Variants in MYO15B observed in about 807,000 individuals in gnomAD.
MYO15B encodes the protein myosin XVB pseudogene.
A neutral mutation model predicts 119.3 loss-of-function variants in MYO15B; 207 were observed. The observed-to-expected ratio is 1.73, with a 90% CI of 1.55 to 1.95. The LOEUF is 1.95. Among genes scored for constraint, MYO15B ranks in the 30% most tolerant of loss-of-function variants. The pLI, the probability that MYO15B is intolerant of heterozygous loss-of-function variation, is 0.00. For synonymous variants in MYO15B, 966 were observed against 498.9 expected, an observed-to-expected ratio of 1.94 and a Z score of -12.48; for missense variants, 2,264 against 1,203.1, an observed-to-expected ratio of 1.88 and a Z score of -13.04.
At chr17:75,591,900 G>T in intron 5 of MYO15B, 77 bp from the exon 6 acceptor site, 1 of 681,622 alleles carries the variant, frequency 1.5e-6, no homozygotes, top group Non-Finnish European at 2.7e-6. Flanking sequence ...CGCCTCCCTG[G>T]ACCTGCCCCT....
rs776402663 is a variant in MYO15B at position 75,619,228 on chromosome 17, C to T, written c.7063+10C>T. The T allele has an allele frequency of 1.4e-6, 1 of 702,784 alleles. No homozygotes were observed. Among genetic ancestry groups the T allele is most frequent in the South Asian group, 1.5e-5 (1 of 67,604 alleles). 43.5% of individuals were successfully genotyped at this position (702,784 alleles called of 1,614,324 possible). ...ATGAAAGACCTGCTGGGTATGGGTC[C>T]AGGGACCATGGAGTTGGGAGCTTGA... is the stretch of plus-strand genomic sequence containing the variant. On this transcript the variant is annotated intron_variant, in intron 44 of 63. Coordinates refer to ENST00000645453, the Ensembl canonical transcript of MYO15B.
chr17:75,598,889 A>G (rs1229460394), intron 14 of MYO15B, among the ~76,000 whole-genome samples: 2 of 152,070 alleles, frequency 1.3e-5, no homozygotes, highest in Non-Finnish European at 2.9e-5. Flanking sequence ...ACTTAGGTCT[A>G]TGTTATGTGA....
chr17:75,610,391 C>T, intron 22 of MYO15B, 132 bp downstream of exon 22: 1 of 553,030 alleles, frequency 1.8e-6, no homozygotes, highest in Non-Finnish European at 3.2e-6. Context: ...CACAGTGCTC[C>T]TTGAACTCAT....
In MYO15B at chr17:75,594,774, G is replaced by T; in HGVS notation, c.3164+15G>T. The T allele has an allele frequency of 1.4e-6, 1 of 703,020 alleles. No homozygotes were observed. The allele number at this position is 703,020 out of a possible 1,614,324, so 43.5% of individuals were successfully genotyped here. A position where few individuals can be genotyped will look rare whatever the true frequency, so the allele number is the denominator to read the frequency against. On this transcript the variant is annotated intron_variant, in intron 11 of 63. Transcript: ENST00000645453. ...TTTGATGCCAGGTGGCCCTAGAGAC[G>T]GGTGAGAGTCAGAGCAGGGCCCGAG...
chr17:75,614,073 G>A (rs1360120237), intron 29 of MYO15B, 126 bp from the exon 30 acceptor site: 2 of 629,688 alleles, frequency 3.2e-6, no homozygotes, highest in Non-Finnish European at 5.8e-6. Context: ...GCAAACCTGG[G>A]TCCCGGACCA....
intron 14 of MYO15B, 30 bp from the exon 15 acceptor site, chr17:75,601,408 C>G: frequency 4.3e-6 from 3 of 702,148 alleles, no homozygotes; most frequent in Non-Finnish European, 2.6e-6. Context: ...TGTGCAGAGG[C>G]GTGAAGGGAG....
In MYO15B at chr17:75,591,967, C is replaced by T. The variant is rs1323920449; in HGVS notation, c.2548-10C>T. ...TGCCCAGGGATGCTTGAACACCCCT[C>T]CCTGTACAGGTGGAGGATATGCTGC... On this transcript the variant is annotated splice_polypyrimidine_tract_variant and intron_variant, in intron 5 of 63. Coordinates refer to ENST00000645453, the Ensembl canonical transcript of MYO15B. 7.1e-6 allele frequency: 5 copies of T among 702,156 alleles called. No individual in the cohort carries two copies. The highest frequency in any genetic ancestry group is 1.7e-5 in the African/African-American group (1 of 57,216). 43.5% of individuals were successfully genotyped at this position (702,156 alleles called of 1,614,324 possible).
Position 75,605,845 on chromosome 17 carries a change from C to T in MYO15B, c.4135-19C>T, listed in dbSNP as rs1428908194. 1.2e-5 allele frequency: 8 copies of T among 675,930 alleles called. No individual in the cohort carries two copies. The highest frequency in any genetic ancestry group is 2.2e-5 in the Non-Finnish European group (8 of 367,028). 41.9% of individuals were successfully genotyped at this position (675,930 alleles called of 1,614,324 possible). On this transcript the variant is annotated intron_variant, in intron 20 of 63. Transcript: ENST00000645453. ...GCTGGCTCCTGGCTCCTGCCTACAG[C>T]CCACCCCTCTACCCACAGGTCCTGC...
At chr17:75,596,332 C>T (rs899919961) in intron 12 of MYO15B, 128 bp from the exon 13 acceptor site, 15 of 623,820 alleles carry the variant, frequency 2.4e-5, no homozygotes, top group Admixed American at 2.0e-4. Flanking sequence ...TTAGACTTGA[C>T]CCTGTTGGCT....
chr17:75,615,257 C>G, exon 34 of MYO15B: 2 of 702,612 alleles, frequency 2.8e-6, no homozygotes, highest in South Asian at 3.0e-5. Context: ...AGGAATGATT[C>G]AGATGCCTGC....
At chr17:75,618,027 C>T in intron 42 of MYO15B, 99 bp from the exon 43 acceptor site, 3 of 692,318 alleles carry the variant, frequency 4.3e-6, no homozygotes, top group Non-Finnish European at 8.0e-6. Flanking sequence ...CCCCACAGCC[C>T]ACCATCTCAA....
exon 64 of MYO15B, chr17:75,626,473 A>T: frequency 1.4e-6 from 1 of 703,250 alleles, no homozygotes; most frequent in Non-Finnish European, 2.6e-6. Flanking sequence ...TGAGTGGCCC[A>T]GCATCAACTG....
intron 47 of MYO15B, 74 bp downstream of exon 47, chr17:75,620,094 C>T: frequency 1.5e-6 from 1 of 674,078 alleles, no homozygotes; most frequent in East Asian, 2.7e-5. Flanking sequence ...TCCGTCTTCC[C>T]TGTGGGGGCA....
chr17:75,617,845 A>G (rs1386610311), exon 42 of MYO15B: 7 of 702,588 alleles, frequency 1.0e-5, no homozygotes, highest in Non-Finnish European at 1.8e-5. Flanking sequence ...GGGGGTCTCC[A>G]CCCAGCTACT....
chr17:75,606,330 T>TC (rs2057647433), intron 21 of MYO15B, among the ~76,000 whole-genome samples: 1 of 152,098 alleles, frequency 6.6e-6, no homozygotes, highest in South Asian at 2.1e-4. Flanking sequence ...GTTTTTTTTT[T>TC]TGAGTTGGAG....
At chr17:75,611,971 C>T (rs1046767786) in exon 25 of MYO15B, 3 of 702,900 alleles carry the variant, frequency 4.3e-6, no homozygotes, top group South Asian at 3.0e-5. Flanking sequence ...TCCCAGCAGA[C>T]ATTGACCTGT....
chr17:75,615,590 C>T (rs1254289047), exon 35 of MYO15B: 4 of 699,770 alleles, frequency 5.7e-6, no homozygotes, highest in Admixed American at 2.0e-5. Flanking sequence ...CAGCAGCAGG[C>T]GCTAATCCTG....
chr17:75,619,079 A>G (rs2148072262), intron 43 of MYO15B, 64 bp from the exon 44 acceptor site: 1 of 700,982 alleles, frequency 1.4e-6, no homozygotes, highest in Non-Finnish European at 2.6e-6. Flanking sequence ...ATGCATGTGG[A>G]TGGCTGCTCT....
In MYO15B at chr17:75,614,564, T is replaced by C; in HGVS notation, c.5382-19T>C. ...CCTCAGCCTTGGCCACCCCCTTAGC[T>C]GGATCCCGTTTCCTGCAGAGCCGAG... On this transcript the variant is annotated intron_variant, in intron 30 of 63. Transcript: ENST00000645453. 1.4e-6 allele frequency: 1 copy of C among 699,912 alleles called. No homozygotes were observed. 43.4% of individuals were successfully genotyped at this position (699,912 alleles called of 1,614,324 possible).
Sources: allele counts gnomAD v4.1 joint callset (sites outside exome capture counted in the v4.1 genomes callset), GRCh38; gene constraint gnomAD v4.1.1; transcripts MANE v1.5; gene names NCBI Gene and HGNC (gene_info 2026-07-23, HGNC 2026-07-21).